ARHGAP26: variants seen among roughly 807,000 people sequenced by gnomAD.
The protein encoded by ARHGAP26 is Rho GTPase activating protein 26.
In ARHGAP26, 38 loss-of-function variants were observed where a neutral mutation model predicts 104.8. That is an observed-to-expected ratio of 0.36 (90% CI 0.28 to 0.48). ARHGAP26 has a LOEUF of 0.48. Among genes scored for constraint, ARHGAP26 ranks in the 20% least tolerant of loss-of-function variants. The pLI, the probability that ARHGAP26 is intolerant of heterozygous loss-of-function variation, is 0.99. For missense variants in ARHGAP26, 704 were observed against 947.9 expected (o/e 0.74, Z 3.38); for synonymous variants, 341 against 340.0 (o/e 1.00, Z -0.03).
At chr5:142,993,021 G>A (rs1775845703) in intron 11 of ARHGAP26, among the ~76,000 whole-genome samples, 1 of 151,522 alleles carries the variant, frequency 6.6e-6, no homozygotes, top group African/African-American at 2.4e-5. Context: ...TCACTCTTTC[G>A]CCCAGGCTGG....
chr5:142,923,885 G>A (rs566434992), intron 10 of ARHGAP26, among the ~76,000 whole-genome samples: 31 of 112,142 alleles, frequency 2.8e-4, no homozygotes, highest in African/African-American at 1.1e-3. Context: ...TTTTTGATAC[G>A]GAGTCCTGCT....
chr5:143,022,476 C>T (rs941378306), intron 12 of ARHGAP26, among the ~76,000 whole-genome samples: 15 of 152,130 alleles, frequency 9.9e-5, no homozygotes, highest in African/African-American at 1.9e-4. Context: ...TATTCAACTC[C>T]GCTATGGTAG....
intron 1 of ARHGAP26, among the ~76,000 whole-genome samples, chr5:142,796,964 G>A (rs1561856577): frequency 6.6e-6 from 1 of 152,164 alleles, no homozygotes; most frequent in Non-Finnish European, 1.5e-5. Context: ...TAGCTATAGC[G>A]TGGTGTCAGA....
At chr5:143,077,705 G>A (rs1181929343) in intron 17 of ARHGAP26, among the ~76,000 whole-genome samples, 1 of 152,236 alleles carries the variant, frequency 6.6e-6, no homozygotes, top group Non-Finnish European at 1.5e-5. Flanking sequence ...AGTCTCTCTT[G>A]AGGATGGGTC....
chr5:142,882,042 T>C (rs1176739652), intron 4 of ARHGAP26, among the ~76,000 whole-genome samples: 2 of 152,192 alleles, frequency 1.3e-5, no homozygotes, highest in South Asian at 4.1e-4. Flanking sequence ...ATTTCCAAGT[T>C]TGAGGAAATT....
At chr5:142,890,151 A>AAAAAAAAAAAATATAT (rs1252590997) in intron 5 of ARHGAP26, among the ~76,000 whole-genome samples, 2 of 32,428 alleles carry the variant, frequency 6.2e-5, no homozygotes, top group Non-Finnish European at 1.1e-4. Context: ...AAAAAAAAAA[A>AAAAAAAAAAAATATAT]ATATATATAT....
intron 1 of ARHGAP26, among the ~76,000 whole-genome samples, chr5:142,869,082 C>G (rs879538210): frequency 1.3e-5 from 2 of 152,098 alleles, no homozygotes; most frequent in African/African-American, 4.8e-5. Flanking sequence ...TAACAAGGCC[C>G]GGGGACTTTG....
Position 143,104,788 on chromosome 5 carries a change from AAAACAAGTTATAAAACTAG to A in ARHGAP26, c.1539-16199_1539-16181del, listed in dbSNP as rs545754758. Reference sequence around the variant, plus strand: ...TGAAAAGTTCATAGTAATGCAGTAAAAAACAAGTTATAAAACTAGGTGTCTGCAGTATGATTCCAACTTG... The same window carrying A: ...TGAAAAGTTCATAGTAATGCAGTAAAGTGTCTGCAGTATGATTCCAACTTG... On this transcript the variant is annotated intron_variant, in intron 17 of 22. Transcript: ENST00000645722. 5.3e-5 allele frequency among the ~76,000 whole-genome samples: 8 copies of A among 152,360 alleles called. No individual in the cohort carries two copies. The South Asian group carries it at 1.7e-3, about 32-fold the overall frequency.
At chr5:143,035,736 G>GACCA (rs984827387) in intron 12 of ARHGAP26, among the ~76,000 whole-genome samples, 14 of 152,170 alleles carry the variant, frequency 9.2e-5, no homozygotes, top group African/African-American at 3.4e-4. Context: ...AGGAGTTGAA[G>GACCA]ACCAGCCTGG....
chr5:142,848,010 A>G (rs972055130), intron 1 of ARHGAP26, among the ~76,000 whole-genome samples: 1 of 152,222 alleles, frequency 6.6e-6, no homozygotes, highest in African/African-American at 2.4e-5. Flanking sequence ...AAGAGTGCCT[A>G]CCACCTGGGA....
intron 1 of ARHGAP26, among the ~76,000 whole-genome samples, chr5:142,817,308 G>A (rs1476770672): frequency 1.3e-5 from 2 of 152,234 alleles, no homozygotes; most frequent in African/African-American, 4.8e-5. Flanking sequence ...GCAAGGGACA[G>A]TGGCGAGTGC....
In ARHGAP26 at chr5:142,856,417, G is replaced by A. The variant is rs558075953; in HGVS notation, c.155-16983G>A. 2.6e-5 allele frequency among the ~76,000 whole-genome samples: 4 copies of A among 152,324 alleles called. No individual in the cohort carries two copies. The East Asian group carries it at 5.8e-4, about 22-fold the overall frequency. Reference sequence around the variant, plus strand: ...CAGTGGGAGGGTGACTCTGAAGTGAGGCTGAACAGACCACCCACAGTGTTG... The same window carrying A: ...CAGTGGGAGGGTGACTCTGAAGTGAAGCTGAACAGACCACCCACAGTGTTG... On this transcript the variant is annotated intron_variant, in intron 1 of 22. Transcript: ENST00000645722.
chr5:143,163,661 G>C (rs1251065855), intron 20 of ARHGAP26, among the ~76,000 whole-genome samples: 3 of 152,048 alleles, frequency 2.0e-5, no homozygotes, highest in Non-Finnish European at 2.9e-5. Context: ...ATGTTGGCCA[G>C]GCTGGTCTCG....
intron 17 of ARHGAP26, among the ~76,000 whole-genome samples, chr5:143,076,367 A>C (rs1336144227): frequency 1.3e-5 from 2 of 152,128 alleles, no homozygotes; most frequent in Non-Finnish European, 2.9e-5. Flanking sequence ...AATGTAAAGG[A>C]ATCCTGATTG....
chr5:142,844,483 A>G (rs946880301), intron 1 of ARHGAP26, among the ~76,000 whole-genome samples: 3 of 152,146 alleles, frequency 2.0e-5, no homozygotes, highest in African/African-American at 7.2e-5. Context: ...CAATTTCCCA[A>G]GAAAAAGCCT....
intron 21 of ARHGAP26, among the ~76,000 whole-genome samples, chr5:143,212,600 A>G (rs1037935867): frequency 6.6e-6 from 1 of 152,096 alleles, no homozygotes; most frequent in African/African-American, 2.4e-5. Context: ...CCACTTTCCC[A>G]ATGTTTTCCC....
At chr5:143,165,676 C>T (rs902274399) in intron 20 of ARHGAP26, among the ~76,000 whole-genome samples, 4 of 152,128 alleles carry the variant, frequency 2.6e-5, no homozygotes, top group African/African-American at 4.8e-5. Flanking sequence ...CAATAATGAA[C>T]GTTGTACCCA....
At chr5:143,099,128 C>G (rs998710972) in intron 17 of ARHGAP26, among the ~76,000 whole-genome samples, 1 of 152,198 alleles carries the variant, frequency 6.6e-6, no homozygotes, top group African/African-American at 2.4e-5. Context: ...TTATTTGCAT[C>G]TCTACCAGAC....
intron 5 of ARHGAP26, among the ~76,000 whole-genome samples, chr5:142,892,596 T>C (rs1007914909): frequency 2.0e-5 from 3 of 151,908 alleles, no homozygotes; most frequent in Non-Finnish European, 4.4e-5. Flanking sequence ...TTATCATTAT[T>C]CTTATTTCTG....
Sources: gnomAD v4.1 joint callset for allele counts (sites outside exome capture counted in the v4.1 genomes callset) on GRCh38, gnomAD v4.1.1 for gene constraint, MANE v1.5 for transcripts, NCBI Gene and HGNC (gene_info 2026-07-23, HGNC 2026-07-21) for gene names.